Variants in CNTNAP2 observed in about 807,000 individuals in gnomAD.
The protein encoded by CNTNAP2 is contactin associated protein 2, also known as contactin-associated protein-like 2.
Under a neutral mutation model 155.2 loss-of-function variants are expected in CNTNAP2, and 98 were observed. The observed-to-expected ratio is 0.63, with a 90% CI of 0.54 to 0.75. CNTNAP2 has a LOEUF of 0.75. Among genes scored for constraint, CNTNAP2 ranks in the 30% least tolerant of loss-of-function variants. The pLI is 0.00. For synonymous variants in CNTNAP2, 651 were observed against 631.2 expected, an observed-to-expected ratio of 1.03 and a Z score of -0.47; for missense variants, 1,727 against 1,688.1, an observed-to-expected ratio of 1.02 and a Z score of -0.40.
At chr7:146,276,022 GA>G (rs1490524382) in intron 1 of CNTNAP2, among the ~76,000 whole-genome samples, 1 of 152,140 alleles carries the variant, frequency 6.6e-6, no homozygotes, top group African/African-American at 2.4e-5. Context: ...CCACAACTAA[GA>G]AATATCCTGC....
At chr7:148,263,587 A>C (rs527328424) in intron 20 of CNTNAP2, among the ~76,000 whole-genome samples, 136 of 152,116 alleles carry the variant, frequency 8.9e-4, no homozygotes, top group Middle Eastern at 6.8e-3. Flanking sequence ...AAATACAAAA[A>C]TTAGCCGGGC....
intron 1 of CNTNAP2, among the ~76,000 whole-genome samples, chr7:146,498,892 G>A (rs1415527610): frequency 1.3e-5 from 2 of 152,158 alleles, no homozygotes; most frequent in Admixed American, 6.5e-5. Flanking sequence ...GCACTAATGT[G>A]TTAATCTAGC....
chr7:147,071,635 A>G (rs1799893928), intron 4 of CNTNAP2, among the ~76,000 whole-genome samples: 1 of 152,194 alleles, frequency 6.6e-6, no homozygotes, highest in South Asian at 2.1e-4. Flanking sequence ...CACATATGAG[A>G]AAGTGACATT....
intron 13 of CNTNAP2, among the ~76,000 whole-genome samples, chr7:147,654,632 T>C (rs1453422154): frequency 6.6e-6 from 1 of 152,130 alleles, no homozygotes; most frequent in Non-Finnish European, 1.5e-5. Context: ...ACTCATGATG[T>C]TTGGAATCAA....
chr7:146,578,779 A>G (rs1187842656), intron 1 of CNTNAP2, among the ~76,000 whole-genome samples: 2 of 152,108 alleles, frequency 1.3e-5, no homozygotes, highest in Non-Finnish European at 2.9e-5. Context: ...TATACTCCTT[A>G]CCACATGTTA....
chr7:147,996,909 C>T (rs1801812644), intron 15 of CNTNAP2, among the ~76,000 whole-genome samples: 1 of 152,174 alleles, frequency 6.6e-6, no homozygotes, highest in South Asian at 2.1e-4. Flanking sequence ...TAATCACCCA[C>T]ATGACAATAT....
intron 3 of CNTNAP2, among the ~76,000 whole-genome samples, chr7:147,011,683 C>T (rs1182809827): frequency 6.6e-6 from 1 of 152,100 alleles, no homozygotes; most frequent in Non-Finnish European, 1.5e-5. Context: ...GAATTCATCT[C>T]CCCAGAGCAG....
At chr7:146,845,812 G>A (rs183567168) in intron 3 of CNTNAP2, among the ~76,000 whole-genome samples, 2 of 152,298 alleles carry the variant, frequency 1.3e-5, no homozygotes, top group East Asian at 3.9e-4. Flanking sequence ...GGCATGACAG[G>A]TAGACCTAGC....
chr7:146,924,574 C>T (rs1796567508), intron 3 of CNTNAP2, among the ~76,000 whole-genome samples: 1 of 151,970 alleles, frequency 6.6e-6, no homozygotes, highest in Non-Finnish European at 1.5e-5. Flanking sequence ...TCTTGAAAGA[C>T]CTTTGAGGGC....
intron 15 of CNTNAP2, among the ~76,000 whole-genome samples, chr7:148,072,971 G>C (rs1027699335): frequency 2.0e-5 from 3 of 152,166 alleles, no homozygotes; most frequent in Non-Finnish European, 4.4e-5. Flanking sequence ...GCCCCCCAAA[G>C]TACTGGGATT....
intron 15 of CNTNAP2, among the ~76,000 whole-genome samples, chr7:148,082,345 A>G (rs1803625666): frequency 6.6e-6 from 1 of 152,220 alleles, no homozygotes; most frequent in Admixed American, 6.5e-5. Context: ...TGAGGACGCT[A>G]GACTGAAGCC....
chr7:146,615,481 GAA>G (rs1407049639), intron 1 of CNTNAP2, among the ~76,000 whole-genome samples: 1 of 152,166 alleles, frequency 6.6e-6, no homozygotes, highest in African/African-American at 2.4e-5. Context: ...TGTTTCAGAG[GAA>G]AAGTCATGCT....
chr7:146,190,856 T>C (rs940757315), intron 1 of CNTNAP2, among the ~76,000 whole-genome samples: 17 of 152,122 alleles, frequency 1.1e-4, no homozygotes, highest in Admixed American at 3.3e-4. Flanking sequence ...ATCTAGTCAT[T>C]AAGAACATGA....
intron 2 of CNTNAP2, among the ~76,000 whole-genome samples, chr7:146,784,704 TCGTCACTGAA>T (rs1457268894): frequency 6.6e-6 from 1 of 152,170 alleles, no homozygotes; most frequent in Non-Finnish European, 1.5e-5. Context: ...TAGGACCCTG[TCGTCACTGAA>T]CGCCCGTTGT....
intron 13 of CNTNAP2, among the ~76,000 whole-genome samples, chr7:147,778,685 G>A (rs1797623112): frequency 6.6e-6 from 1 of 152,150 alleles, no homozygotes; most frequent in African/African-American, 2.4e-5. Flanking sequence ...TGTTTTTACT[G>A]TATTTTTGGT....
intron 1 of CNTNAP2, among the ~76,000 whole-genome samples, chr7:146,497,906 C>CAT (rs148428652): frequency 0.42 from 62,722 of 148,044 alleles, 14,482 homozygotes; most frequent in African/African-American, 0.62. Flanking sequence ...TTTATTCAAA[C>CAT]ATATATAAAC....
intron 1 of CNTNAP2, among the ~76,000 whole-genome samples, chr7:146,606,677 C>A (rs998632921): frequency 6.6e-6 from 1 of 152,120 alleles, no homozygotes; most frequent in Non-Finnish European, 1.5e-5. Context: ...CTTGACAAAA[C>A]CCACTTATTT....
chr7:148,241,663 T>C (rs1357558995), intron 20 of CNTNAP2, among the ~76,000 whole-genome samples: 1 of 152,198 alleles, frequency 6.6e-6, no homozygotes, highest in Non-Finnish European at 1.5e-5. Context: ...GCTTATTTAT[T>C]TTTTACTACA....
chr7:146,911,211 C>T (rs1268390538), intron 3 of CNTNAP2, among the ~76,000 whole-genome samples: 1 of 152,030 alleles, frequency 6.6e-6, no homozygotes, highest in Non-Finnish European at 1.5e-5. Flanking sequence ...GTTGGTGGGA[C>T]TGTAAACTAG....
Sources: allele counts gnomAD v4.1 joint callset (sites outside exome capture counted in the v4.1 genomes callset), GRCh38; gene constraint gnomAD v4.1.1; transcripts MANE v1.5; gene names NCBI Gene and HGNC (gene_info 2026-07-23, HGNC 2026-07-21).